COL4A3: variants seen among roughly 807,000 people sequenced by gnomAD.
COL4A3 encodes collagen alpha-3(IV) chain.
Under a neutral mutation model 217.4 loss-of-function variants are expected in COL4A3, and 135 were observed. The observed-to-expected ratio is 0.62, with a 90% CI of 0.54 to 0.72. The LOEUF (loss-of-function observed/expected upper bound fraction) is 0.72, where lower values mean the gene tolerates loss of function less well. COL4A3 is among the 30% of genes least tolerant of loss of function. The pLI is 0.00. For synonymous variants in COL4A3, 690 were observed against 736.3 expected, an observed-to-expected ratio of 0.94 and a Z score of 1.02; for missense variants, 1,868 against 2,119.9, an observed-to-expected ratio of 0.88 and a Z score of 2.33.
chr2:227,187,632 G>A (rs2066080021), intron 1 of COL4A3, among the ~76,000 whole-genome samples: 1 of 152,154 alleles, frequency 6.6e-6, no homozygotes, highest in African/African-American at 2.4e-5. Flanking sequence ...GAATATGCAG[G>A]CTTATTGACC....
At chr2:227,170,666 A>G (rs1164131393) in intron 1 of COL4A3, among the ~76,000 whole-genome samples, 4 of 152,136 alleles carry the variant, frequency 2.6e-5, no homozygotes, top group Non-Finnish European at 5.9e-5. Flanking sequence ...ACACAGCCAA[A>G]CCATATCACC....
chr2:227,290,414 C>T (rs995628314), intron 36 of COL4A3, among the ~76,000 whole-genome samples: 4 of 152,000 alleles, frequency 2.6e-5, no homozygotes, highest in African/African-American at 4.8e-5. Context: ...GCAGGAGAAT[C>T]GCTTGAACCC....
chr2:227,190,483 T>C (rs1346388355), intron 1 of COL4A3, among the ~76,000 whole-genome samples: 2 of 152,262 alleles, frequency 1.3e-5, no homozygotes, highest in African/African-American at 4.8e-5. Context: ...ATGTTTTATA[T>C]GTCATCTAGG....
At chr2:227,291,804 C>T (rs1014276516) in intron 37 of COL4A3, among the ~76,000 whole-genome samples, 1 of 152,094 alleles carries the variant, frequency 6.6e-6, no homozygotes. Context: ...GATGTTAAAG[C>T]CCTTACTACT....
At chr2:227,284,979 TTC>T (rs1252108622) in intron 34 of COL4A3, among the ~76,000 whole-genome samples, 1 of 152,124 alleles carries the variant, frequency 6.6e-6, no homozygotes, top group Non-Finnish European at 1.5e-5. Context: ...AAACCAAATT[TTC>T]AGAAGCCCTC....
Position 227,313,778 on chromosome 2 carries a change from A to G in COL4A3, c.*1908A>G, listed in dbSNP as rs913241743. ...TGCTTTAAAAATGTCTTATTGTCCCAAGTGTACTATAGCGGCATATAGAGC... is the reference window on the plus strand; with the variant it reads ...TGCTTTAAAAATGTCTTATTGTCCCGAGTGTACTATAGCGGCATATAGAGC... On this transcript the variant is annotated 3_prime_UTR_variant, in exon 52 of 52. Coordinates refer to ENST00000396578, the MANE Select transcript of COL4A3 (RefSeq NM_000091.5). The G allele has an allele frequency of 3.3e-5, 5 of 152,280 alleles. No homozygotes were observed. The highest frequency in any genetic ancestry group is 1.2e-4 in the African/African-American group (5 of 41,462). 9.4% of individuals were successfully genotyped at this position (152,280 alleles called of 1,614,324 possible). A position where few individuals can be genotyped will look rare whatever the true frequency, so the allele number is the denominator to read the frequency against.
At chr2:227,281,067 G>T in intron 31 of COL4A3, 61 bp downstream of exon 31, 1 of 1,010,490 alleles carries the variant, frequency 9.9e-7, no homozygotes, top group South Asian at 1.4e-5. Context: ...CTCCTGCTCT[G>T]TGCTTTGCTG....
Position 227,240,213 on chromosome 2 carries a change from C to T in COL4A3, c.215C>T (p.Pro72Leu). The change falls in exon 3 of 52, where the codon CCT becomes CTT. Residue 72 changes from proline to leucine, a missense_variant. By Grantham distance (98) the Pro-to-Leu change is moderately conservative. This residue lies in a region of COL4A3 where 365 missense variants were observed against 333.8 expected (regional missense o/e 1.09). Transcript: ENST00000396578. ...QKGFTGPEGL[P>L]GPQGPKGFPG... ...GGATTCACAGGTCCTGAAGGCTTGC[C>T]TGGACCGCAGGGACCCAAGGTATGT... The T allele has an allele frequency of 6.2e-7, 1 of 1,611,092 alleles. No individual in the cohort carries two copies. The highest frequency in any genetic ancestry group is 1.7e-4 in the Middle Eastern group (1 of 6,056).
At position 227,164,725 on chromosome 2, in the gene COL4A3, C is replaced by T; in HGVS notation, c.-2C>T. On this transcript the variant is annotated 5_prime_UTR_variant, in exon 1 of 52. Coordinates refer to ENST00000396578, the MANE Select transcript of COL4A3 (RefSeq NM_000091.5). This position sits in a 1 kb window ranked among gnomAD's most constrained non-coding sequence, Gnocchi z 4.8. ...CGCCCAGGCTCTGAGCGCGCGCCCA[C>T]CATGAGCGCCCGGACCGCCCCCAGG... The T allele has an allele frequency of 6.5e-7, 1 of 1,530,466 alleles. No homozygotes were observed. Among genetic ancestry groups the T allele is most frequent in the Non-Finnish European group, 8.7e-7 (1 of 1,145,172 alleles). The allele number at this position is 1,530,466 out of a possible 1,614,324, so 94.8% of individuals were successfully genotyped here. A position where few individuals can be genotyped will look rare whatever the true frequency, so the allele number is the denominator to read the frequency against.
chr2:227,281,740 A>T (rs2071978225), intron 31 of COL4A3: 1 of 152,484 alleles, frequency 6.6e-6, no homozygotes, highest in Non-Finnish European at 1.5e-5. Flanking sequence ...TCTGCAGGAA[A>T]CAGAGTGAGC....
intron 50 of COL4A3, 21 bp downstream of exon 50, chr2:227,309,339 A>G: frequency 6.3e-7 from 1 of 1,576,748 alleles, no homozygotes; most frequent in Non-Finnish European, 8.7e-7. Flanking sequence ...AAGGAACAGG[A>G]GGTTTAGGGT....
intron 43 of COL4A3, chr2:227,301,849 TTC>T (rs1368114454): frequency 6.6e-6 from 1 of 152,186 alleles, no homozygotes; most frequent in Non-Finnish European, 1.5e-5. Context: ...GACCAGATGG[TTC>T]TGTTTTGTCT....
chr2:227,258,885 ATTATG>A (rs1462100739), intron 18 of COL4A3, among the ~76,000 whole-genome samples: 1 of 152,148 alleles, frequency 6.6e-6, no homozygotes, highest in East Asian at 1.9e-4. Flanking sequence ...GGTGGACATT[ATTATG>A]TTATATTATT....
intron 1 of COL4A3, among the ~76,000 whole-genome samples, chr2:227,201,117 C>T (rs2066669057): frequency 1.3e-5 from 2 of 151,844 alleles, no homozygotes; most frequent in African/African-American, 4.8e-5. Context: ...GTTATGTTAC[C>T]TTAATGACTC....
At position 227,290,040 on chromosome 2, in the gene COL4A3, C is replaced by A; in HGVS notation, c.3022C>A (p.Pro1008Thr). Residue 1008 changes from proline (P) to threonine (T), a missense_variant, in exon 36 of 52, where the codon CCA becomes ACA. Physicochemically the swap from Pro to Thr is conservative, Grantham distance 38. This residue lies in a region of COL4A3 where 1,503 missense variants were observed against 1,786.1 expected (regional missense o/e 0.84). Coordinates refer to ENST00000396578, the MANE Select transcript of COL4A3 (RefSeq NM_000091.5). ...GGGCAGCACTGGGAATCCTGGAGAA[C>A]CAGGACTGCGTGGTATACCAGGAAG... Reference protein sequence around the residue: ...DLGSTGNPGEPGLRGIPGSMG... With the variant: ...DLGSTGNPGETGLRGIPGSMG... The A allele has an allele frequency of 6.2e-7, 1 of 1,614,132 alleles. No homozygotes were observed. Among genetic ancestry groups the A allele is most frequent in the Non-Finnish European group, 8.5e-7 (1 of 1,180,006 alleles).
In COL4A3 at chr2:227,276,399, C is replaced by T. The variant is rs1273999671; in HGVS notation, c.1942C>T (p.Leu648Phe). 6.2e-7 allele frequency: 1 copy of T among 1,614,012 alleles called. No homozygotes were observed. Among genetic ancestry groups the T allele is most frequent in the African/African-American group, 1.3e-5 (1 of 75,038 alleles). Residue 648 changes from leucine to phenylalanine, a missense_variant, in exon 27 of 52, where the codon CTC becomes TTC. By Grantham distance (22) the Leu-to-Phe change is conservative (BLOSUM62 0). This residue lies in a region of COL4A3 where 1,503 missense variants were observed against 1,786.1 expected (regional missense o/e 0.84). Transcript: ENST00000396578. ...PPGEAGPRGE[L>F]SVSTPVPGPP... ...ATTTCCTTAAGGCCCTAGGGGAGAG[C>T]TCAGTGTTTCAACACCAGTTCCAGG...
intron 49 of COL4A3, 48 bp from the exon 50 acceptor site, chr2:227,309,156 C>T: frequency 6.2e-7 from 1 of 1,605,054 alleles, no homozygotes; most frequent in East Asian, 2.2e-5. Context: ...CAGCACATGA[C>T]AGTGCAGAAA....
At position 227,263,899 on chromosome 2, in the gene COL4A3, G is replaced by T. The variant is rs776919202; in HGVS notation, c.1270G>T (p.Gly424Cys). ...GACTCCTGGGTCCCCAGGTTGTGCT[G>T]GTTCACCAGGTCTTCCAGGATCACC... ...MGTPGSPGCAGSPGLPGSPGP... is the reference protein window; with the variant it reads ...MGTPGSPGCACSPGLPGSPGP... The change falls in exon 21 of 52, where the codon GGT becomes TGT. Residue 424 changes from glycine to cysteine, a missense_variant. Coordinates refer to ENST00000396578, the MANE Select transcript of COL4A3 (RefSeq NM_000091.5). The T allele has an allele frequency of 2.5e-6, 4 of 1,614,056 alleles. No homozygotes were observed. The African/African-American group carries it at 4.0e-5, about 16-fold the overall frequency.
rs1464752882 is a variant in COL4A3 at position 227,276,440 on chromosome 2, A to C, written c.1983A>C (p.Pro661=). 2 of 1,614,196 alleles carry C rather than the reference A, an allele frequency of 1.2e-6. No individual in the cohort carries two copies. The highest frequency in any genetic ancestry group is 1.7e-6 in the Non-Finnish European group (2 of 1,180,024). Residue 661 remains proline (P), a synonymous_variant, in exon 27 of 52, where the codon CCA becomes CCC. Coordinates refer to ENST00000396578, the MANE Select transcript of COL4A3 (RefSeq NM_000091.5). ...STPVPGPPGP[P]GPPGHPGPQG... is the part of the protein sequence containing the mutation. The stretch of plus-strand genomic sequence containing the variant: ...CAGTTCCAGGCCCACCAGGACCTCC[A>C]GGGCCCCCTGGCCATCCTGGCCCCC...
Sources: gnomAD v4.1 joint callset for allele counts (sites outside exome capture counted in the v4.1 genomes callset) on GRCh38, gnomAD v4.1.1 for gene constraint, gnomAD v4.1.1 regional missense constraint, Gnocchi (gnomAD v3.1) non-coding constraint, MANE v1.5 for transcripts, NCBI Gene and HGNC (gene_info 2026-07-23, HGNC 2026-07-21) for gene names.